Variants in PLCD3 observed in about 807,000 individuals in gnomAD.
PLCD3 encodes phospholipase C delta 3, also known as 1-phosphatidylinositol 4,5-bisphosphate phosphodiesterase delta-3.
In PLCD3, 62 loss-of-function variants were observed where a neutral mutation model predicts 82.8. The observed-to-expected ratio is 0.75, with a 90% CI of 0.61 to 0.93. PLCD3 has a LOEUF of 0.93. Ranked by LOEUF, PLCD3 falls within the 40% of genes least tolerant of loss-of-function variation. The probability of loss-of-function intolerance (pLI) is 0.00; values close to 1 mark genes in which losing one functional copy is unlikely to be tolerated. For missense variants in PLCD3, 1,023 were observed against 1,103.4 expected (o/e 0.93, Z 1.03); for synonymous variants, 478 against 471.8 (o/e 1.01, Z -0.17).
At chr17:45,122,110 G>A (rs932952172) in intron 1 of PLCD3, among the ~76,000 whole-genome samples, 3 of 152,162 alleles carry the variant, frequency 2.0e-5, no homozygotes, top group African/African-American at 7.2e-5. Context: ...GATCTCTCTT[G>A]CTGTAACCCA....
intron 1 of PLCD3, among the ~76,000 whole-genome samples, chr17:45,125,725 A>G (rs911034067): frequency 6.6e-6 from 1 of 152,282 alleles, no homozygotes; most frequent in African/African-American, 2.4e-5. Context: ...GCACGCTACA[A>G]CATGGATGAA....
Position 45,115,163 on chromosome 17 carries a change from T to C in PLCD3, c.1642A>G (p.Asn548Asp), listed in dbSNP as rs1481837647. Reference sequence around the variant, plus strand: ...CTGACCTGGCAGGGTTGTGGGGCGTTGGGGGCAGGGTGCAGGGTCCGCAGG... The same window carrying C: ...CTGACCTGGCAGGGTTGTGGGGCGTCGGGGGCAGGGTGCAGGGTCCGCAGG... ...TRLRTLHPAPNAPQPCQVSSL... is the reference protein window; with the variant it reads ...TRLRTLHPAPDAPQPCQVSSL... Residue 548 changes from asparagine to aspartate, a missense_variant, in exon 10 of 15, where the codon AAC becomes GAC. Around this residue, in one of 3 missense-constraint regions of PLCD3, gnomAD observed 553 missense variants for 655.7 expected, o/e 0.84. Coordinates refer to ENST00000619929, the MANE Select transcript of PLCD3 (RefSeq NM_133373.5). 3 of 1,598,344 alleles carry C rather than the reference T, an allele frequency of 1.9e-6. No homozygotes were observed. Among genetic ancestry groups the C allele is most frequent in the African/African-American group, 1.3e-5 (1 of 74,800 alleles).
intron 11 of PLCD3, 62 bp from the exon 12 acceptor site, chr17:45,113,667 C>A: frequency 6.6e-7 from 1 of 1,522,736 alleles, no homozygotes; most frequent in South Asian, 1.3e-5. Flanking sequence ...TACTCAGTTT[C>A]AGGGGACTGC....
intron 4 of PLCD3, among the ~76,000 whole-genome samples, chr17:45,119,582 C>G (rs2054320495): frequency 6.6e-6 from 1 of 152,220 alleles, no homozygotes; most frequent in South Asian, 2.1e-4. Context: ...GCCTGCCCCT[C>G]TGCACCATGA....
Position 45,116,580 on chromosome 17 carries a change from C to T in PLCD3, c.1413+52G>A, listed in dbSNP as rs185374976. The T allele has an allele frequency of 7.2e-4, 1,082 of 1,498,462 alleles. 11 individuals are homozygous for T. The African/African-American group carries it at 0.014, about 19-fold the overall frequency. 92.8% of individuals were successfully genotyped at this position (1,498,462 alleles called of 1,614,324 possible). On this transcript the variant is annotated intron_variant, in intron 8 of 14. Transcript: ENST00000619929. The stretch of plus-strand genomic sequence containing the variant: ...AGGTGGCACGAGCAGTGCGGGGAGG[C>T]GGACTCCCACCAGACCTCCCTCCAC...
Position 45,117,926 on chromosome 17 carries a change from G to A in PLCD3, c.1260+68C>T, listed in dbSNP as rs2054303254. Reference sequence around the variant, plus strand: ...CCTCTGGAAGGACGGAGGGCAGCTGGCATGTGAGTGCGGACGGAGGTCATT... The same window carrying A: ...CCTCTGGAAGGACGGAGGGCAGCTGACATGTGAGTGCGGACGGAGGTCATT... On this transcript the variant is annotated intron_variant, in intron 7 of 14. Transcript: ENST00000619929. 38 of 1,576,138 alleles carry A rather than the reference G, an allele frequency of 2.4e-5. No individual in the cohort carries two copies. In the South Asian group the frequency reaches 4.3e-4, roughly 18 times the overall value.
At chr17:45,131,774 G>A (rs1233014335) in intron 1 of PLCD3, among the ~76,000 whole-genome samples, 1 of 152,250 alleles carries the variant, frequency 6.6e-6, no homozygotes, top group Non-Finnish European at 1.5e-5. Context: ...GAGCAGTGTG[G>A]CTGTGGCCGC....
At chr17:45,128,794 G>A (rs999423374) in intron 1 of PLCD3, among the ~76,000 whole-genome samples, 11 of 152,200 alleles carry the variant, frequency 7.2e-5, no homozygotes, top group Admixed American at 6.5e-4. Context: ...TCCATATTCC[G>A]CATTTAGCGG....
intron 4 of PLCD3, 173 bp from the exon 5 acceptor site, chr17:45,119,216 A>C (rs1355098653): frequency 1.6e-6 from 1 of 619,262 alleles, no homozygotes; most frequent in Non-Finnish European, 2.8e-6. Context: ...ACAGGGCAGG[A>C]TTTTTTGGTT....
At position 45,115,262 on chromosome 17, in the gene PLCD3, GC is replaced by G; in HGVS notation, c.1561-19del. The G allele has an allele frequency of 3.2e-6, 5 of 1,542,566 alleles. No individual in the cohort carries two copies. Among genetic ancestry groups the G allele is most frequent in the Non-Finnish European group, 4.4e-6 (5 of 1,139,900 alleles). ...TGCTTGGCCTAGGAGACCAGGCTCA[GC>G]GGGGTTCAGCTGGCCCCCGCTTCCC... On this transcript the variant is annotated intron_variant, in intron 9 of 14. Coordinates refer to ENST00000619929, the MANE Select transcript of PLCD3 (RefSeq NM_133373.5).
intron 10 of PLCD3, among the ~76,000 whole-genome samples, chr17:45,114,610 C>T (rs993979884): frequency 9.2e-5 from 14 of 152,196 alleles, no homozygotes; most frequent in Middle Eastern, 3.4e-3. Context: ...AAAGTTCCAA[C>T]CAAGTACACT....
Position 45,118,090 on chromosome 17 carries a change from C to A in PLCD3, c.1164G>T (p.Gly388=). The stretch of plus-strand genomic sequence containing the variant: ...GATAGATGACGGGCTCCCCTCCTGG[C>A]CCCTCCCAGCAGTCCAGCTCCACGC... ...CRCVELDCWE[G]PGGEPVIYHG... Residue 388 remains glycine (G), a synonymous_variant, in exon 7 of 15, where the codon GGG becomes GGT. Coordinates refer to ENST00000619929, the MANE Select transcript of PLCD3 (RefSeq NM_133373.5). The surrounding 1 kb of genome is among the most constrained non-coding windows in gnomAD (Gnocchi z 4.1). 1 of 1,613,858 alleles carries A rather than the reference C, an allele frequency of 6.2e-7. No homozygotes were observed. Among genetic ancestry groups the A allele is most frequent in the South Asian group, 1.1e-5 (1 of 91,046 alleles).
rs1333074994 is a variant in PLCD3 at position 45,114,380 on chromosome 17, G to A, written c.1712-14C>T. The A allele has an allele frequency of 6.5e-7, 1 of 1,545,090 alleles. No individual in the cohort carries two copies. The highest frequency in any genetic ancestry group is 8.7e-7 in the Non-Finnish European group (1 of 1,143,944). ...CAAAGCTGTTCCCTGGGGCAGAGTT[G>A]GGGTGAGACCGTGACAGACTCCGGG... On this transcript the variant is annotated splice_polypyrimidine_tract_variant and intron_variant, in intron 10 of 14. Coordinates refer to ENST00000619929, the MANE Select transcript of PLCD3 (RefSeq NM_133373.5).
intron 1 of PLCD3, among the ~76,000 whole-genome samples, chr17:45,127,927 C>A (rs1161028570): frequency 2.0e-5 from 3 of 152,158 alleles, no homozygotes; most frequent in South Asian, 2.1e-4. Flanking sequence ...CACAGGAATG[C>A]GAGTCATGCA....
At position 45,118,434 on chromosome 17, in the gene PLCD3, C is replaced by T; in HGVS notation, c.972G>A (p.Glu324=). The change falls in exon 6 of 15, where the codon GAG becomes GAA. Residue 324 remains glutamate, a synonymous_variant. Coordinates refer to ENST00000619929, the MANE Select transcript of PLCD3 (RefSeq NM_133373.5). The surrounding 1 kb of genome is among the most constrained non-coding windows in gnomAD (Gnocchi z 4.1). ...DGFMMYLLSP[E]GAALDNTHTC... The stretch of plus-strand genomic sequence containing the variant: ...TGTGGGTGTTGTCCAAGGCAGCCCC[C>T]TCCGGCGACAACAGGTACATCATGA... The T allele has an allele frequency of 1.2e-6, 2 of 1,614,048 alleles. No homozygotes were observed. The highest frequency in any genetic ancestry group is 1.7e-6 in the Non-Finnish European group (2 of 1,179,900).
In PLCD3 at chr17:45,110,116, T is replaced by G. The variant is rs1022349255; in HGVS notation, c.*2500A>C. ...AAAAAAAAACCCTGTGATTTCTCCC[T>G]TGCTTCTGCTTCCCAGTTCACTTCC... On this transcript the variant is annotated 3_prime_UTR_variant, in exon 15 of 15. Transcript: ENST00000619929. 1 of 152,032 alleles carries G rather than the reference T, an allele frequency of 6.6e-6. No individual in the cohort carries two copies. Among genetic ancestry groups the G allele is most frequent in the Non-Finnish European group, 1.5e-5 (1 of 68,168 alleles). The allele number at this position is 152,032 out of a possible 1,614,324, so 9.4% of individuals were successfully genotyped here. A position where few individuals can be genotyped will look rare whatever the true frequency, so the allele number is the denominator to read the frequency against.
intron 1 of PLCD3, among the ~76,000 whole-genome samples, chr17:45,130,069 C>T (rs1418372877): frequency 6.6e-6 from 1 of 152,172 alleles, no homozygotes; most frequent in African/African-American, 2.4e-5. Flanking sequence ...GTTTCCTTCT[C>T]CACCCTGTCC....
Position 45,132,381 on chromosome 17 carries a change from G to A in PLCD3, c.30C>T (p.Arg10=). The A allele has an allele frequency of 8.1e-7, 1 of 1,227,364 alleles. No homozygotes were observed. Among genetic ancestry groups the A allele is most frequent in the Non-Finnish European group, 1.0e-6 (1 of 985,098 alleles). 76.0% of individuals were successfully genotyped at this position (1,227,364 alleles called of 1,614,324 possible). The change falls in exon 1 of 15, where the codon CGC becomes CGT. Residue 10 remains arginine, a synonymous_variant. Coordinates refer to ENST00000619929, the MANE Select transcript of PLCD3 (RefSeq NM_133373.5). The surrounding 1 kb of genome is among the most constrained non-coding windows in gnomAD (Gnocchi z 4.6). MLCGRWRRC[R]RPPEEPPVAA... ...CCACCGGGGGCTCCTCGGGCGGGCGGCGGCAACGCCTCCAGCGGCCGCACA... is the reference window on the plus strand; with the variant it reads ...CCACCGGGGGCTCCTCGGGCGGGCGACGGCAACGCCTCCAGCGGCCGCACA...
At chr17:45,116,185 AG>A in intron 8 of PLCD3, among the ~76,000 whole-genome samples, 1 of 152,322 alleles carries the variant, frequency 6.6e-6, no homozygotes, top group South Asian at 2.1e-4. Flanking sequence ...GGAGAGCAGG[AG>A]GCCGCCTCAG....
Sources: allele counts gnomAD v4.1 joint callset (sites outside exome capture counted in the v4.1 genomes callset), GRCh38; gene constraint gnomAD v4.1.1; regional missense constraint gnomAD v4.1.1; non-coding constraint Gnocchi (gnomAD v3.1); transcripts MANE v1.5; gene names NCBI Gene and HGNC (gene_info 2026-07-23, HGNC 2026-07-21).